The following AP3B1 variants were observed in gnomAD, a reference collection of about 807,000 sequenced individuals.
AP3B1 encodes adaptor related protein complex 3 subunit beta 1, also known as AP-3 complex subunit beta-1.
A neutral mutation model predicts 132.5 loss-of-function variants in AP3B1; 61 were observed. The observed-to-expected ratio is 0.46, with a 90% CI of 0.37 to 0.57. AP3B1 has a LOEUF of 0.57. AP3B1 is among the 20% of genes least tolerant of loss of function. The pLI is 0.00. For synonymous variants in AP3B1, 388 were observed against 438.3 expected (o/e 0.89, Z 1.43); for missense variants, 1,120 against 1,289.4 (o/e 0.87, Z 2.01).
chr5:78,161,515 A>G (rs1743386655), intron 13 of AP3B1, among the ~76,000 whole-genome samples: 1 of 151,996 alleles, frequency 6.6e-6, no homozygotes, highest in African/African-American at 2.4e-5. Context: ...TTTCTTTAAA[A>G]CACATTTTTA....
At chr5:78,281,509 GACTA>G (rs1003516700) in intron 1 of AP3B1, among the ~76,000 whole-genome samples, 49 of 149,418 alleles carry the variant, frequency 3.3e-4, no homozygotes, top group Non-Finnish European at 3.7e-4. Flanking sequence ...TTAAAAGACT[GACTA>G]ACTTATTTCC....
intron 15 of AP3B1, among the ~76,000 whole-genome samples, chr5:78,133,306 A>G (rs1197794900): frequency 6.6e-6 from 1 of 152,250 alleles, no homozygotes; most frequent in African/African-American, 2.4e-5. Context: ...TAGTTATGTT[A>G]CATCTAGAAA....
At chr5:78,120,977 A>G (rs1406148012) in intron 17 of AP3B1, among the ~76,000 whole-genome samples, 3 of 152,216 alleles carry the variant, frequency 2.0e-5, no homozygotes, top group African/African-American at 7.2e-5. Flanking sequence ...ATAGAACAGA[A>G]ATTATAACGA....
intron 22 of AP3B1, chr5:78,043,188 T>C (rs1291963588): frequency 6.5e-6 from 1 of 153,692 alleles, no homozygotes; most frequent in East Asian, 1.9e-4. Flanking sequence ...CAGGCTGGAG[T>C]GCGGTGGTGT....
intron 19 of AP3B1, among the ~76,000 whole-genome samples, chr5:78,112,260 C>G (rs950121397): frequency 1.3e-5 from 2 of 152,090 alleles, no homozygotes; most frequent in Non-Finnish European, 2.9e-5. Context: ...ATGGTAACAT[C>G]TCAGAGCACA....
At chr5:78,280,130 T>G (rs1444637756) in intron 1 of AP3B1, among the ~76,000 whole-genome samples, 2 of 148,208 alleles carry the variant, frequency 1.3e-5, no homozygotes, top group Non-Finnish European at 3.0e-5. Flanking sequence ...TTATAAAAGG[T>G]ATAAAATCCA....
At chr5:78,054,861 C>T (rs1240106022) in intron 22 of AP3B1, among the ~76,000 whole-genome samples, 1 of 152,086 alleles carries the variant, frequency 6.6e-6, no homozygotes, top group African/African-American at 2.4e-5. Flanking sequence ...TTTTAAACTA[C>T]AGATGCTTTC....
chr5:78,119,302 C>T (rs894485226), intron 17 of AP3B1, among the ~76,000 whole-genome samples: 6 of 152,274 alleles, frequency 3.9e-5, no homozygotes, highest in African/African-American at 7.2e-5. Flanking sequence ...TCCAAAGGAA[C>T]GCAGCTCCTC....
intron 7 of AP3B1, among the ~76,000 whole-genome samples, chr5:78,202,931 T>C (rs951352311): frequency 1.3e-5 from 2 of 152,220 alleles, no homozygotes; most frequent in Non-Finnish European, 2.9e-5. Flanking sequence ...ATCTAAAACA[T>C]TGGACTGTTT....
chr5:78,100,144 C>A (rs1041646270), intron 21 of AP3B1, among the ~76,000 whole-genome samples: 1 of 151,844 alleles, frequency 6.6e-6, no homozygotes, highest in African/African-American at 2.4e-5. Flanking sequence ...ATTTTAATTT[C>A]TCTATATTAA....
chr5:78,252,411 T>C (rs1747676899), intron 2 of AP3B1, among the ~76,000 whole-genome samples: 1 of 152,192 alleles, frequency 6.6e-6, no homozygotes. Context: ...ACTTGGCTCT[T>C]GGACAGCATT....
At chr5:78,108,593 C>T (rs1419985756) in intron 20 of AP3B1, among the ~76,000 whole-genome samples, 4 of 152,072 alleles carry the variant, frequency 2.6e-5, no homozygotes, top group African/African-American at 9.7e-5. Flanking sequence ...GAGCGAAACC[C>T]GAATTTCTCA....
chr5:78,152,425 G>C (rs1171525222), intron 14 of AP3B1, among the ~76,000 whole-genome samples: 1 of 151,992 alleles, frequency 6.6e-6, no homozygotes, highest in African/African-American at 2.4e-5. Context: ...GTGTGTCTAG[G>C]AAGTTTTCCA....
chr5:78,178,261 AT>A (rs1412218722), intron 8 of AP3B1, among the ~76,000 whole-genome samples: 1 of 152,236 alleles, frequency 6.6e-6, no homozygotes, highest in Non-Finnish European at 1.5e-5. Context: ...CAGCAGTAGC[AT>A]TTAAAATAAT....
In AP3B1 at chr5:78,193,771, T is replaced by TA. The variant is rs1491367040; in HGVS notation, c.787-12110_787-12109insT. Among the ~76,000 whole-genome samples, 145 of 78,096 alleles carry TA rather than the reference T, an allele frequency of 1.9e-3. 4 individuals are homozygous for TA. In the South Asian group the frequency reaches 0.04, roughly 22 times the overall value. The allele number at this position is 78,096 out of a possible 152,430, so 51.2% of individuals were successfully genotyped here. ...ATATATATATATATATATATATATATTTTTTTTTTAGACAGAGTCTCGCTC... is the reference window on the plus strand; with the variant it reads ...ATATATATATATATATATATATATATATTTTTTTTTAGACAGAGTCTCGCTC... On this transcript the variant is annotated intron_variant, in intron 7 of 26. Coordinates refer to ENST00000255194, the MANE Select transcript of AP3B1 (RefSeq NM_003664.5).
At chr5:78,083,463 C>T (rs1750101272) in intron 22 of AP3B1, among the ~76,000 whole-genome samples, 1 of 152,008 alleles carries the variant, frequency 6.6e-6, no homozygotes, top group Non-Finnish European at 1.5e-5. Flanking sequence ...TGTCTTTTTT[C>T]CCCCTATTCT....
intron 7 of AP3B1, among the ~76,000 whole-genome samples, chr5:78,195,800 A>T (rs1052720000): frequency 1.4e-4 from 22 of 152,220 alleles, no homozygotes; most frequent in African/African-American, 5.3e-4. Flanking sequence ...AGCCTGGGCG[A>T]CAAAGCAAGA....
chr5:78,206,963 A>C (rs1186934428), intron 7 of AP3B1, among the ~76,000 whole-genome samples: 2 of 152,138 alleles, frequency 1.3e-5, no homozygotes, highest in Non-Finnish European at 2.9e-5. Flanking sequence ...GTTTATAAAA[A>C]ATACAAAAAT....
intron 7 of AP3B1, among the ~76,000 whole-genome samples, chr5:78,197,054 T>C (rs188983926): frequency 5.3e-5 from 8 of 152,326 alleles, no homozygotes; most frequent in Non-Finnish European, 8.8e-5. Context: ...GTAAATTCAT[T>C]GATCGTAATG....
Sources: gnomAD v4.1 joint callset for allele counts (sites outside exome capture counted in the v4.1 genomes callset) on GRCh38, gnomAD v4.1.1 for gene constraint, MANE v1.5 for transcripts, NCBI Gene and HGNC (gene_info 2026-07-23, HGNC 2026-07-21) for gene names.